Variants in LRRC4C observed in about 807,000 individuals in gnomAD.
The protein encoded by LRRC4C is leucine-rich repeat-containing protein 4C.
In LRRC4C, 5 loss-of-function variants were observed where a neutral mutation model predicts 33.6. The observed-to-expected ratio is 0.15, with a 90% CI of 0.08 to 0.31. The LOEUF (loss-of-function observed/expected upper bound fraction) is 0.31, where lower values mean the gene tolerates loss of function less well. Ranked by LOEUF, LRRC4C falls within the 10% of genes least tolerant of loss-of-function variation. The pLI is 1.00. For missense variants in LRRC4C, 560 were observed against 796.7 expected (o/e 0.70, Z 3.58); for synonymous variants, 329 against 302.0 (o/e 1.09, Z -0.93).
chr11:40,116,441 G>T, intron 6 of LRRC4C, 107 bp from the exon 7 acceptor site: 2 of 1,181,664 alleles, frequency 1.7e-6, no homozygotes, highest in African/African-American at 1.5e-5. Context: ...CATCATGTGT[G>T]AGACAAATTA....
At chr11:41,236,705 A>C (rs1948039596) in intron 1 of LRRC4C, among the ~76,000 whole-genome samples, 1 of 152,180 alleles carries the variant, frequency 6.6e-6, no homozygotes, top group Non-Finnish European at 1.5e-5. Context: ...ATATTTGAAA[A>C]AAGAAAAATG....
rs566893174 is a variant in LRRC4C, at chr11:41,164,909, G to A, written c.-495-231186C>T. ...GCTTGGATAGAATCCAGGGCTCGTG[G>A]CTCTGGAATGTGTCTAGACTTGCTG... is the stretch of plus-strand genomic sequence containing the variant. On this transcript the variant is annotated intron_variant, in intron 1 of 6. Transcript: ENST00000528697. Among the ~76,000 whole-genome samples, 16 of 152,216 alleles carry A rather than the reference G, an allele frequency of 1.1e-4. No homozygotes were observed. In the East Asian group the frequency reaches 2.7e-3, roughly 26 times the overall value.
At chr11:40,849,213 T>C (rs1269223407) in intron 2 of LRRC4C, among the ~76,000 whole-genome samples, 1 of 152,218 alleles carries the variant, frequency 6.6e-6, no homozygotes, top group Non-Finnish European at 1.5e-5. Flanking sequence ...TGCCCGTTAG[T>C]TGATGCAATT....
At chr11:40,937,142 G>T (rs1957939441) in intron 1 of LRRC4C, among the ~76,000 whole-genome samples, 1 of 152,156 alleles carries the variant, frequency 6.6e-6, no homozygotes, top group African/African-American at 2.4e-5. Flanking sequence ...CATAAAAATA[G>T]AATAAAATCA....
Position 40,949,423 on chromosome 11 carries a change from C to A in LRRC4C, c.-495-15700G>T, listed in dbSNP as rs545300542. Among the ~76,000 whole-genome samples, 51 of 152,036 alleles carry A rather than the reference C, an allele frequency of 3.4e-4. 1 individual carries two copies. In the East Asian group the frequency reaches 9.3e-3, roughly 28 times the overall value. On this transcript the variant is annotated intron_variant, in intron 1 of 6. Coordinates refer to ENST00000528697, the MANE Select transcript of LRRC4C (RefSeq NM_001258419.2). Reference sequence around the variant, plus strand: ...CCAAGACACATAATTGTCAGATTCACCAAAGTTGAAATGAAGGAAAAAATG... The same window carrying A: ...CCAAGACACATAATTGTCAGATTCAACAAAGTTGAAATGAAGGAAAAAATG...
chr11:40,392,847 C>T (rs1025262941), intron 3 of LRRC4C, among the ~76,000 whole-genome samples: 6 of 151,428 alleles, frequency 4.0e-5, no homozygotes, highest in Non-Finnish European at 8.8e-5. Flanking sequence ...CAATACAACC[C>T]CAGAACAATA....
chr11:41,427,944 GAAC>G (rs1198025911), intron 1 of LRRC4C, among the ~76,000 whole-genome samples: 1 of 151,732 alleles, frequency 6.6e-6, no homozygotes, highest in African/African-American at 2.4e-5. Context: ...GCCAGCCAGA[GAAC>G]AACCCCCTTT....
intron 1 of LRRC4C, among the ~76,000 whole-genome samples, chr11:41,181,138 T>G (rs1188296966): frequency 6.6e-6 from 1 of 152,200 alleles, no homozygotes; most frequent in African/African-American, 2.4e-5. Context: ...TCAAAATGTT[T>G]TCTTCTGTGG....
intron 3 of LRRC4C, among the ~76,000 whole-genome samples, chr11:40,620,456 G>A (rs576689697): frequency 1.3e-5 from 2 of 151,660 alleles, no homozygotes; most frequent in Admixed American, 1.3e-4. Context: ...GAAAGCATTC[G>A]AAGACCCCAG....
At chr11:41,299,714 A>G (rs1335354518) in intron 1 of LRRC4C, among the ~76,000 whole-genome samples, 4 of 152,186 alleles carry the variant, frequency 2.6e-5, no homozygotes, top group African/African-American at 9.6e-5. Flanking sequence ...AACAATAAAC[A>G]TTGAAATTTT....
intron 1 of LRRC4C, among the ~76,000 whole-genome samples, chr11:41,425,402 C>T (rs565801669): frequency 1.3e-5 from 2 of 152,094 alleles, no homozygotes; most frequent in Admixed American, 6.6e-5. Context: ...CAGACAAATA[C>T]GGGGATGAAT....
At chr11:41,127,258 T>G (rs1208070597) in intron 1 of LRRC4C, among the ~76,000 whole-genome samples, 9 of 150,776 alleles carry the variant, frequency 6.0e-5, no homozygotes, top group Non-Finnish European at 7.4e-5. Context: ...GACTAGAGTT[T>G]TTTTTTTTTT....
At chr11:40,623,800 T>G (rs1962682045) in intron 3 of LRRC4C, among the ~76,000 whole-genome samples, 1 of 152,058 alleles carries the variant, frequency 6.6e-6, no homozygotes, top group Non-Finnish European at 1.5e-5. Context: ...ATGCATTTCC[T>G]TAAGCGATTC....
chr11:41,304,180 C>A (rs1300027851), intron 1 of LRRC4C, among the ~76,000 whole-genome samples: 8 of 101,984 alleles, frequency 7.8e-5, no homozygotes, highest in South Asian at 3.5e-4. Context: ...GTGGGGGGGT[C>A]AGCCCCCCGC....
intron 2 of LRRC4C, among the ~76,000 whole-genome samples, chr11:40,834,224 A>G (rs1196882301): frequency 6.6e-6 from 1 of 152,188 alleles, no homozygotes; most frequent in African/African-American, 2.4e-5. Context: ...CTGTAATCCC[A>G]GCACTTTGGG....
chr11:40,730,745 TTG>T (rs1947526208), intron 2 of LRRC4C, among the ~76,000 whole-genome samples: 1 of 149,542 alleles, frequency 6.7e-6, no homozygotes, highest in African/African-American at 2.5e-5. Flanking sequence ...AACATTTGCA[TTG>T]CCTGTGGACA....
At chr11:40,972,009 T>G (rs1851758376) in intron 1 of LRRC4C, among the ~76,000 whole-genome samples, 1 of 152,188 alleles carries the variant, frequency 6.6e-6, no homozygotes, top group African/African-American at 2.4e-5. Context: ...AGTAACTAAC[T>G]TGTTTTTTAT....
intron 3 of LRRC4C, among the ~76,000 whole-genome samples, chr11:40,513,397 A>G (rs78560409): frequency 6.6e-6 from 1 of 152,150 alleles, no homozygotes; most frequent in Non-Finnish European, 1.5e-5. Flanking sequence ...ATAGATGAGA[A>G]TAAGCTACAT....
chr11:41,453,965 A>T (rs1315177948), intron 1 of LRRC4C, among the ~76,000 whole-genome samples: 1 of 152,100 alleles, frequency 6.6e-6, no homozygotes, highest in Non-Finnish European at 1.5e-5. Flanking sequence ...TCCTAGAATC[A>T]AATTTTATGG....
Sources: allele counts gnomAD v4.1 joint callset (sites outside exome capture counted in the v4.1 genomes callset), GRCh38; gene constraint gnomAD v4.1.1; transcripts MANE v1.5; gene names NCBI Gene and HGNC (gene_info 2026-07-23, HGNC 2026-07-21).